Variants in MCCC2 observed in about 807,000 individuals in gnomAD.
The protein encoded by MCCC2 is methylcrotonoyl-CoA carboxylase beta chain, mitochondrial.
Under a neutral mutation model 77.2 loss-of-function variants are expected in MCCC2, and 52 were observed. The observed-to-expected ratio is 0.67, with a 90% CI of 0.54 to 0.85. The LOEUF (loss-of-function observed/expected upper bound fraction) is 0.85. Ranked by LOEUF, MCCC2 falls within the 40% of genes least tolerant of loss-of-function variation. The pLI, the probability that MCCC2 is intolerant of heterozygous loss-of-function variation, is 0.00. For synonymous variants in MCCC2, 253 were observed against 248.4 expected, an observed-to-expected ratio of 1.02 and a Z score of -0.18; for missense variants, 682 against 703.2, an observed-to-expected ratio of 0.97 and a Z score of 0.34.
intron 6 of MCCC2, among the ~76,000 whole-genome samples, chr5:71,622,869 G>A (rs1258094356): frequency 6.6e-6 from 1 of 152,218 alleles, no homozygotes; most frequent in East Asian, 1.9e-4. Flanking sequence ...CACTTTGGGA[G>A]GCGGAGGCGG....
At position 71,598,133 on chromosome 5, in the gene MCCC2, C is replaced by T. The variant is rs923430818; in HGVS notation, c.282-1526C>T. On this transcript the variant is annotated intron_variant, in intron 3 of 16. Coordinates refer to ENST00000340941, the MANE Select transcript of MCCC2 (RefSeq NM_022132.5). Reference sequence around the variant, plus strand: ...CTGTCACCAGGCTGGAGTGCAGTGGCGCGATCTCCGTTCACTTAACCTCCG... The same window carrying T: ...CTGTCACCAGGCTGGAGTGCAGTGGTGCGATCTCCGTTCACTTAACCTCCG... Among the ~76,000 whole-genome samples, 28 of 144,288 alleles carry T rather than the reference C, an allele frequency of 1.9e-4. 1 individual carries two copies. In the South Asian group the frequency reaches 2.4e-3, roughly 12 times the overall value. The allele number at this position is 144,288 out of a possible 152,430, so 94.7% of individuals were successfully genotyped here.
At chr5:71,590,030 G>A (rs1372475082) in intron 1 of MCCC2, among the ~76,000 whole-genome samples, 1 of 152,134 alleles carries the variant, frequency 6.6e-6, no homozygotes, top group Non-Finnish European at 1.5e-5. Flanking sequence ...CATTATGACT[G>A]TCAGGCACTA....
chr5:71,599,801 A>G (rs774854129), intron 4 of MCCC2, 41 bp downstream of exon 4: 16 of 1,531,898 alleles, frequency 1.0e-5, no homozygotes, highest in Non-Finnish European at 1.4e-5. Flanking sequence ...GGTTGAGAAG[A>G]AGACTTTGAT....
intron 7 of MCCC2, among the ~76,000 whole-genome samples, chr5:71,630,475 AT>A (rs377746184): frequency 0.014 from 2,044 of 145,848 alleles, 25 homozygotes; most frequent in African/African-American, 0.042. Flanking sequence ...ACAAATTCTT[AT>A]TTTTTTTTTT....
At position 71,631,349 on chromosome 5, in the gene MCCC2, C is replaced by T. The variant is rs116824524; in HGVS notation, c.739-772C>T. Among the ~76,000 whole-genome samples the T allele has an allele frequency of 2.5e-3, 379 of 152,048 alleles. 1 individual carries two copies. The highest frequency in any genetic ancestry group is 8.5e-3 in the African/African-American group (354 of 41,468). ...ATTAATACCATGGAGAAGGCCTGGGCGGGTCAGGAAAGCTGTGTAGAGGAG... is the reference window on the plus strand; with the variant it reads ...ATTAATACCATGGAGAAGGCCTGGGTGGGTCAGGAAAGCTGTGTAGAGGAG... On this transcript the variant is annotated intron_variant, in intron 7 of 16. Transcript: ENST00000340941.
intron 8 of MCCC2, 142 bp from the exon 9 acceptor site, chr5:71,634,801 T>C: frequency 1.4e-6 from 1 of 732,946 alleles, no homozygotes; most frequent in Non-Finnish European, 2.3e-6. Flanking sequence ...TAAGATGACA[T>C]TTATTAAAGA....
intron 6 of MCCC2, among the ~76,000 whole-genome samples, chr5:71,606,819 A>T (rs1745695582): frequency 7.3e-6 from 1 of 136,478 alleles, no homozygotes; most frequent in Non-Finnish European, 1.6e-5. Flanking sequence ...CTTTTTCTGC[A>T]TCTATTGAGA....
In MCCC2 at chr5:71,640,976, C is replaced by G. The variant is rs769298610; in HGVS notation, c.1000-27C>G. ...AAAATTCTTTTGCAATATAATTTCT[C>G]AAGGCCATTGTTGTTTTTCCTCTTA... On this transcript the variant is annotated intron_variant, in intron 10 of 16. Transcript: ENST00000340941. The G allele has an allele frequency of 6.9e-6, 11 of 1,597,090 alleles. No homozygotes were observed. In the South Asian group the frequency reaches 8.8e-5, roughly 13 times the overall value.
intron 6 of MCCC2, among the ~76,000 whole-genome samples, chr5:71,613,614 T>C (rs989905350): frequency 2.0e-5 from 3 of 152,158 alleles, no homozygotes; most frequent in African/African-American, 7.2e-5. Flanking sequence ...CACACACCTG[T>C]GGTCCTAGCT....
At chr5:71,604,596 T>A in intron 6 of MCCC2, 128 bp downstream of exon 6, 5 of 752,298 alleles carry the variant, frequency 6.6e-6, no homozygotes, top group Non-Finnish European at 1.1e-5. Flanking sequence ...TTTTTTTTTT[T>A]ATACTTTAGG....
intron 1 of MCCC2, among the ~76,000 whole-genome samples, chr5:71,588,186 T>TGAGGCAGG (rs1744836992): frequency 6.6e-6 from 1 of 151,674 alleles, no homozygotes; most frequent in African/African-American, 2.4e-5. Flanking sequence ...GGGGAATCGC[T>TGAGGCAGG]TGAACTTGGG....
chr5:71,648,148 G>A (rs1053701051), intron 13 of MCCC2, among the ~76,000 whole-genome samples: 8 of 152,362 alleles, frequency 5.3e-5, no homozygotes, highest in Admixed American at 2.6e-4. Flanking sequence ...GAAGGCACAC[G>A]TGCTCTGGAG....
intron 11 of MCCC2, among the ~76,000 whole-genome samples, chr5:71,643,329 G>A (rs1245580675): frequency 6.6e-6 from 1 of 152,178 alleles, no homozygotes; most frequent in East Asian, 1.9e-4. Flanking sequence ...TGAGGCTGCA[G>A]TGAGCCATGA....
chr5:71,623,454 A>T (rs1230476187), intron 6 of MCCC2, among the ~76,000 whole-genome samples: 1 of 152,114 alleles, frequency 6.6e-6, no homozygotes, highest in Admixed American at 6.5e-5. Context: ...GTTGCTTGCC[A>T]TACAGCCTCT....
intron 1 of MCCC2, among the ~76,000 whole-genome samples, chr5:71,590,143 T>A (rs1408905279): frequency 6.6e-6 from 1 of 152,064 alleles, no homozygotes; most frequent in Admixed American, 6.6e-5. Context: ...CACAAACACC[T>A]GGCGTCCTGA....
intron 2 of MCCC2, among the ~76,000 whole-genome samples, chr5:71,593,828 A>T (rs1273337864): frequency 6.6e-6 from 1 of 152,234 alleles, no homozygotes; most frequent in Non-Finnish European, 1.5e-5. Flanking sequence ...TAATACTTTT[A>T]ATGTAAAATT....
rs755191128 is a variant in MCCC2 at position 71,602,557 on chromosome 5, CT to C, written c.436del (p.Tyr146ThrfsTer3). 6.2e-7 allele frequency: 1 copy of C among 1,614,182 alleles called. No homozygotes were observed. The highest frequency in any genetic ancestry group is 1.1e-5 in the South Asian group (1 of 91,082). ...NDATVKGGAYYPVTVKKQLRA... is the reference protein window; with the variant it reads ...NDATVKGGAYXPVTVKKQLRA... ...ATGCCACCGTCAAAGGAGGTGCCTACTACCCAGTGACTGTGAAAAAACAATT... is the reference window on the plus strand; with the variant it reads ...ATGCCACCGTCAAAGGAGGTGCCTACACCCAGTGACTGTGAAAAAACAATT... On this transcript the variant is annotated frameshift_variant, in exon 5 of 17. Coordinates refer to ENST00000340941, the MANE Select transcript of MCCC2 (RefSeq NM_022132.5). LOFTEE classifies it high-confidence loss of function.
intron 6 of MCCC2, among the ~76,000 whole-genome samples, chr5:71,621,333 C>A (rs1250329052): frequency 6.6e-6 from 1 of 151,682 alleles, no homozygotes; most frequent in East Asian, 1.9e-4. Context: ...GAGGCCTCAT[C>A]TAAAAAAAAT....
chr5:71,626,898 A>C (rs1746547583), intron 7 of MCCC2, 145 bp downstream of exon 7: 1 of 790,184 alleles, frequency 1.3e-6, no homozygotes, highest in Non-Finnish European at 2.1e-6. Context: ...TTTTCAGTAC[A>C]GCTTGGTGAC....
Sources: gnomAD v4.1 joint callset for allele counts (sites outside exome capture counted in the v4.1 genomes callset) on GRCh38, gnomAD v4.1.1 for gene constraint, MANE v1.5 for transcripts, NCBI Gene and HGNC (gene_info 2026-07-23, HGNC 2026-07-21) for gene names.